RP1: variants seen among roughly 807,000 people sequenced by gnomAD.
RP1 encodes the protein RP1 axonemal microtubule associated.
A neutral mutation model predicts 14.8 loss-of-function variants in RP1; 16 were observed. That is an observed-to-expected ratio of 1.08 (90% CI 0.73 to 1.65). The LOEUF (loss-of-function observed/expected upper bound fraction) is 1.65, where lower values mean the gene tolerates loss of function less well. Among genes scored for constraint, RP1 ranks in the 40% most tolerant of loss-of-function variants. RP1 has a pLI of 0.00. For missense variants in RP1, 2,631 were observed against 2,535.0 expected, an observed-to-expected ratio of 1.04 and a Z score of -0.81; for synonymous variants, 876 against 883.6, an observed-to-expected ratio of 0.99 and a Z score of 0.15.
intron 13 of RP1, chr8:54,701,398 T>C: frequency 9.4e-7 from 1 of 1,059,854 alleles, no homozygotes; most frequent in Admixed American, 3.8e-5. Flanking sequence ...TAAAATGAAG[T>C]AGACACCTGT....
chr8:54,814,878 G>A (rs1434426203), intron 24 of RP1, among the ~76,000 whole-genome samples: 4 of 152,168 alleles, frequency 2.6e-5, no homozygotes, highest in African/African-American at 7.2e-5. Context: ...CCCACCGAAT[G>A]CCACCACCTG....
intron 1 of RP1, among the ~76,000 whole-genome samples, chr8:54,584,492 A>G (rs1008359808): frequency 2.0e-5 from 3 of 152,168 alleles, no homozygotes; most frequent in African/African-American, 7.2e-5. Context: ...TTTGGGGTGG[A>G]GAGTTCTGCA....
chr8:54,579,481 T>C (rs544344864), intron 1 of RP1, among the ~76,000 whole-genome samples: 1 of 151,990 alleles, frequency 6.6e-6, no homozygotes. Context: ...TTGTGGCATT[T>C]CCCCCCCAGT....
chr8:54,728,943 C>T (rs545053591), intron 17 of RP1, among the ~76,000 whole-genome samples: 3 of 152,094 alleles, frequency 2.0e-5, no homozygotes, highest in Non-Finnish European at 4.4e-5. Context: ...CTGCTATGCC[C>T]TACAATGTCC....
At chr8:54,573,346 C>T (rs117994106) in intron 1 of RP1, among the ~76,000 whole-genome samples, 22 of 152,162 alleles carry the variant, frequency 1.4e-4, no homozygotes, top group South Asian at 6.2e-4. Context: ...GTTTTAAGGA[C>T]GCGAACATCA....
exon 15 of RP1, chr8:54,706,454 C>G (rs1808151845): frequency 6.5e-7 from 1 of 1,535,716 alleles, no homozygotes; most frequent in Non-Finnish European, 8.7e-7. Context: ...GGGTGTTCCT[C>G]AACAGTGCTG....
At chr8:54,757,804 C>T (rs542712065) in intron 21 of RP1, among the ~76,000 whole-genome samples, 20 of 152,328 alleles carry the variant, frequency 1.3e-4, no homozygotes, top group Admixed American at 9.1e-4. Flanking sequence ...CCTCATGAAA[C>T]GTCCCTTGTA....
chr8:54,758,205 T>C (rs1809555890), intron 21 of RP1, among the ~76,000 whole-genome samples: 1 of 152,184 alleles, frequency 6.6e-6, no homozygotes, highest in Non-Finnish European at 1.5e-5. Flanking sequence ...CAGATAACTT[T>C]AGGACGTTTA....
At chr8:54,592,706 T>C (rs1805066657) in intron 1 of RP1, among the ~76,000 whole-genome samples, 1 of 152,164 alleles carries the variant, frequency 6.6e-6, no homozygotes, top group Admixed American at 6.5e-5. Context: ...GCTAAATTAG[T>C]CCAGTTGCTC....
At chr8:54,791,527 C>A (rs1012657793) in intron 24 of RP1, among the ~76,000 whole-genome samples, 4 of 151,958 alleles carry the variant, frequency 2.6e-5, no homozygotes, top group Non-Finnish European at 4.4e-5. Flanking sequence ...TAACTAACAA[C>A]AATAACTTGC....
At chr8:54,730,691 G>GTAT (rs1408571303) in intron 17 of RP1, among the ~76,000 whole-genome samples, 7 of 151,930 alleles carry the variant, frequency 4.6e-5, no homozygotes, top group African/African-American at 1.7e-4. Flanking sequence ...TATCTTCTTG[G>GTAT]TATTAATCCA....
chr8:54,626,140 T>G lies in RP1; in HGVS notation c.2258T>G (p.Ile753Ser). 1 of 1,612,886 alleles carries G rather than the reference T, an allele frequency of 6.2e-7. No homozygotes were observed. Residue 753 changes from isoleucine (I) to serine (S), a missense_variant, in exon 4 of 4, where the codon ATT (isoleucine) becomes AGT (serine). Transcript: ENST00000220676. Reference sequence around the variant, plus strand: ...TCCAAAAGTAATCTCAATTCCACGATTTCCAAGAATTTCCATAGAAATAAA... The same window carrying G: ...TCCAAAAGTAATCTCAATTCCACGAGTTCCAAGAATTTCCATAGAAATAAA... The part of the protein sequence containing the change: ...FCSKSNLNST[I>S]SKNFHRNKLN...
intron 1 of RP1, among the ~76,000 whole-genome samples, chr8:54,587,421 G>C (rs536793343): frequency 8.0e-6 from 1 of 125,510 alleles, no homozygotes; most frequent in East Asian, 2.2e-4. Context: ...GTGAGACCCT[G>C]TCTCAAAAAA....
intron 7 of RP1, among the ~76,000 whole-genome samples, chr8:54,668,484 C>A (rs1807068990): frequency 6.6e-6 from 1 of 152,188 alleles, no homozygotes; most frequent in Admixed American, 6.5e-5. Flanking sequence ...CCATCCCCAT[C>A]AAGCTACTAA....
intron 1 of RP1, among the ~76,000 whole-genome samples, chr8:54,579,491 T>C (rs1804731637): frequency 6.6e-6 from 1 of 152,132 alleles, no homozygotes. Flanking sequence ...TCCCCCCCAG[T>C]AGATGGGGCA....
intron 19 of RP1, among the ~76,000 whole-genome samples, chr8:54,746,428 T>C (rs1440872739): frequency 3.9e-5 from 6 of 152,202 alleles, no homozygotes; most frequent in African/African-American, 1.4e-4. Flanking sequence ...TTCAGCCATA[T>C]TAATGCACAC....
intron 1 of RP1, among the ~76,000 whole-genome samples, chr8:54,569,900 G>A (rs1037309546): frequency 6.6e-6 from 1 of 152,212 alleles, no homozygotes; most frequent in Non-Finnish European, 1.5e-5. Context: ...AGACAGGCTG[G>A]TGTAGGAAAG....
At chr8:54,684,175 A>T (rs1366926758) in intron 12 of RP1, among the ~76,000 whole-genome samples, 1 of 151,888 alleles carries the variant, frequency 6.6e-6, no homozygotes, top group Admixed American at 6.6e-5. Context: ...CTTGATCGTG[A>T]TGGATAAGCT....
At chr8:54,745,590 G>A (rs1466923762) in intron 19 of RP1, among the ~76,000 whole-genome samples, 1 of 151,930 alleles carries the variant, frequency 6.6e-6, no homozygotes, top group African/African-American at 2.4e-5. Context: ...TTTACTGAAG[G>A]CATTCCTAAA....
Sources: allele counts gnomAD v4.1 joint callset (sites outside exome capture counted in the v4.1 genomes callset), GRCh38; gene constraint gnomAD v4.1.1; transcripts MANE v1.5; gene names NCBI Gene and HGNC (gene_info 2026-07-23, HGNC 2026-07-21).